The following MTUS2 variants were observed in gnomAD, a reference collection of about 807,000 sequenced individuals.
MTUS2 encodes microtubule associated scaffold protein 2.
A neutral mutation model predicts 114.1 loss-of-function variants in MTUS2; 40 were observed. The observed-to-expected ratio is 0.35, with a 90% CI of 0.27 to 0.46. The LOEUF is 0.46. Among genes scored for constraint, MTUS2 ranks in the 20% least tolerant of loss-of-function variants. The pLI is 1.00. For missense variants in MTUS2, 1,679 were observed against 1,705.4 expected (o/e 0.98, Z 0.27); for synonymous variants, 688 against 672.0 (o/e 1.02, Z -0.37).
chr13:28,916,961 G>C (rs1229928732), intron 2 of MTUS2, among the ~76,000 whole-genome samples: 1 of 151,638 alleles, frequency 6.6e-6, no homozygotes. Flanking sequence ...AGTCTTTTGA[G>C]GGTTTTTATC....
In MTUS2 at chr13:29,025,801, T is replaced by A. The variant is rs764297027; in HGVS notation, c.1103T>A (p.Leu368His). ...DALGHLLNSDLHHLGVGRGNC... is the reference protein window; with the variant it reads ...DALGHLLNSDHHHLGVGRGNC... ...CTTGGCCATCTGCTGAACAGTGACC[T>A]CCACCACCTTGGGGTGGGAAGAGGC... Residue 368 changes from leucine to histidine, a missense_variant, in exon 3 of 16, where the codon CTC (leucine) becomes CAC (histidine). Leu to His is a moderately conservative substitution (Grantham distance 99). Around this residue, in one of 3 missense-constraint regions of MTUS2, gnomAD observed 843 missense variants for 770.8 expected, o/e 1.09. Coordinates refer to ENST00000612955, the MANE Select transcript of MTUS2 (RefSeq NM_001033602.4). 15 of 1,613,852 alleles carry A rather than the reference T, an allele frequency of 9.3e-6. No individual in the cohort carries two copies. In the South Asian group the frequency reaches 1.4e-4, roughly 15 times the overall value.
chr13:28,982,979 T>C (rs911404596), intron 2 of MTUS2, among the ~76,000 whole-genome samples: 22 of 152,198 alleles, frequency 1.4e-4, no homozygotes, highest in African/African-American at 4.8e-4. Flanking sequence ...ACAATGTACT[T>C]ACTGCCACTG....
intron 5 of MTUS2, among the ~76,000 whole-genome samples, chr13:29,119,305 G>A (rs1891213017): frequency 6.6e-6 from 1 of 151,984 alleles, no homozygotes; most frequent in Non-Finnish European, 1.5e-5. Flanking sequence ...AGGTTATATT[G>A]CTTTCATATA....
intron 8 of MTUS2, among the ~76,000 whole-genome samples, chr13:29,421,395 A>G (rs867130531): frequency 6.6e-6 from 1 of 152,194 alleles, no homozygotes; most frequent in Non-Finnish European, 1.5e-5. Context: ...AGATTCTTTC[A>G]TGATCATTTT....
At chr13:29,109,434 TAC>T (rs1204430555) in intron 5 of MTUS2, among the ~76,000 whole-genome samples, 2 of 152,300 alleles carry the variant, frequency 1.3e-5, no homozygotes, top group Non-Finnish European at 2.9e-5. Flanking sequence ...TCCTCCTGAA[TAC>T]CTGAAACTTT....
chr13:29,391,583 G>A (rs974325105), intron 8 of MTUS2, among the ~76,000 whole-genome samples: 2 of 152,042 alleles, frequency 1.3e-5, no homozygotes, highest in South Asian at 4.2e-4. Flanking sequence ...GAGAGATTTA[G>A]GGAATCTTCC....
chr13:29,151,246 G>A (rs1319211809), intron 5 of MTUS2, among the ~76,000 whole-genome samples: 1 of 151,974 alleles, frequency 6.6e-6, no homozygotes, highest in African/African-American at 2.4e-5. Context: ...TCCTTTTAGA[G>A]ATCTTTTATC....
intron 4 of MTUS2, among the ~76,000 whole-genome samples, chr13:29,047,594 A>C (rs911087121): frequency 6.6e-6 from 1 of 150,852 alleles, no homozygotes; most frequent in African/African-American, 2.4e-5. Flanking sequence ...GCTCACTGCA[A>C]GCTCTGCCTC....
intron 8 of MTUS2, among the ~76,000 whole-genome samples, chr13:29,421,669 G>C (rs1647755016): frequency 1.3e-5 from 2 of 152,204 alleles, no homozygotes; most frequent in Non-Finnish European, 2.9e-5. Context: ...ATACTTTGTA[G>C]AAGACAAAGA....
intron 2 of MTUS2, among the ~76,000 whole-genome samples, chr13:28,850,789 T>C (rs549856924): frequency 3.9e-5 from 6 of 152,294 alleles, no homozygotes; most frequent in Admixed American, 1.3e-4. Flanking sequence ...TAAAATCTCA[T>C]GGTGGGTATA....
chr13:29,374,259 T>C (rs1251869159), intron 8 of MTUS2, among the ~76,000 whole-genome samples: 2 of 151,350 alleles, frequency 1.3e-5, no homozygotes, highest in Non-Finnish European at 2.9e-5. Context: ...GAAGAAAGAA[T>C]GTGGTGCAGA....
intron 5 of MTUS2, among the ~76,000 whole-genome samples, chr13:29,224,035 C>T (rs1896010883): frequency 1.3e-5 from 2 of 152,248 alleles, no homozygotes; most frequent in Admixed American, 1.3e-4. Context: ...CTCTCACTCA[C>T]ACATTCCTTG....
intron 5 of MTUS2, among the ~76,000 whole-genome samples, chr13:29,252,291 C>T (rs142003562): frequency 6.6e-6 from 1 of 152,134 alleles, no homozygotes; most frequent in African/African-American, 2.4e-5. Context: ...ATGAAATACT[C>T]GTTCCCGTGG....
intron 5 of MTUS2, among the ~76,000 whole-genome samples, chr13:29,191,572 C>A (rs1027720844): frequency 6.6e-6 from 1 of 152,072 alleles, no homozygotes; most frequent in Non-Finnish European, 1.5e-5. Context: ...GGCTGGGGAA[C>A]ATGGGGGACT....
chr13:29,263,313 G>C (rs1231234300), intron 5 of MTUS2, among the ~76,000 whole-genome samples: 1 of 152,146 alleles, frequency 6.6e-6, no homozygotes, highest in East Asian at 1.9e-4. Context: ...ATTAGGTATA[G>C]ACAAGGGTGT....
chr13:29,069,980 A>G (rs1309992970), intron 4 of MTUS2, among the ~76,000 whole-genome samples: 2 of 152,218 alleles, frequency 1.3e-5, no homozygotes, highest in Admixed American at 6.5e-5. Flanking sequence ...CCTATTTTCT[A>G]CACTCTTCCC....
At position 29,328,151 on chromosome 13, in the gene MTUS2, T is replaced by C. The variant is rs77410039; in HGVS notation, c.2905+3440T>C. ...TTCTTTCTTATGTTATAAATTACTA[T>C]AAATTTTATTAATTTACAAAAATAG... On this transcript the variant is annotated intron_variant, in intron 7 of 15. Transcript: ENST00000612955. Among the ~76,000 whole-genome samples, 113 of 152,014 alleles carry C rather than the reference T, an allele frequency of 7.4e-4. No individual in the cohort carries two copies. The East Asian group carries it at 0.02, about 27-fold the overall frequency.
At chr13:29,061,815 A>T (rs890633285) in intron 4 of MTUS2, among the ~76,000 whole-genome samples, 6 of 152,166 alleles carry the variant, frequency 3.9e-5, no homozygotes, top group Non-Finnish European at 7.4e-5. Context: ...TTAACTGTTT[A>T]TGGCTATTTC....
chr13:29,369,758 C>T (rs777485977), intron 8 of MTUS2, among the ~76,000 whole-genome samples: 22 of 152,136 alleles, frequency 1.4e-4, no homozygotes, highest in Non-Finnish European at 2.9e-4. Context: ...CTCTATTACA[C>T]GACAGTATTC....
Sources: gnomAD v4.1 joint callset for allele counts (sites outside exome capture counted in the v4.1 genomes callset) on GRCh38, gnomAD v4.1.1 for gene constraint, gnomAD v4.1.1 regional missense constraint, MANE v1.5 for transcripts, NCBI Gene and HGNC (gene_info 2026-07-23, HGNC 2026-07-21) for gene names.